Variants in RANBP9 observed in about 807,000 individuals in gnomAD.
RANBP9 encodes ran-binding protein 9.
In RANBP9, 15 loss-of-function variants were observed where a neutral mutation model predicts 84.3. The observed-to-expected ratio is 0.18, with a 90% CI of 0.12 to 0.27. The LOEUF is 0.27. Ranked by LOEUF, RANBP9 falls within the 10% of genes least tolerant of loss-of-function variation. RANBP9 has a pLI of 1.00. For missense variants in RANBP9, 809 were observed against 912.8 expected (o/e 0.89, Z 1.46); for synonymous variants, 392 against 349.6 (o/e 1.12, Z -1.35).
At chr6:13,660,533 CA>C (rs1236301095) in intron 2 of RANBP9, among the ~76,000 whole-genome samples, 6 of 151,534 alleles carry the variant, frequency 4.0e-5, no homozygotes, top group Non-Finnish European at 5.9e-5. Context: ...AGGGCAAAAA[CA>C]AAAAAAGGAG....
chr6:13,637,685 G>A (rs1764972939), intron 10 of RANBP9, 123 bp downstream of exon 10: 1 of 962,880 alleles, frequency 1.0e-6, no homozygotes, highest in South Asian at 2.2e-5. Context: ...ATTCTCTGGG[G>A]GCTTAAGAAC....
intron 12 of RANBP9, among the ~76,000 whole-genome samples, chr6:13,631,780 CA>C (rs1329208032): frequency 6.6e-6 from 1 of 152,308 alleles, no homozygotes; most frequent in African/African-American, 2.4e-5. Context: ...AACTGGTACA[CA>C]AAACTGTGGC....
rs1764465733 is a variant in RANBP9 at position 13,622,111 on chromosome 6, A to G, written c.*251T>C. The G allele has an allele frequency of 7.5e-6, 2 of 267,136 alleles. No individual in the cohort carries two copies. Among genetic ancestry groups the G allele is most frequent in the Non-Finnish European group, 1.4e-5 (2 of 147,906 alleles). 16.5% of individuals were successfully genotyped at this position (267,136 alleles called of 1,614,324 possible). A position where few individuals can be genotyped will look rare whatever the true frequency, so the allele number is the denominator to read the frequency against. ...TTGTTTTAAAGGATTTGTGATGATC[A>G]ATTTGAACGTCTGAAATTCAGTAAT... On this transcript the variant is annotated 3_prime_UTR_variant, in exon 14 of 14. Transcript: ENST00000011619.
At chr6:13,653,766 G>A (rs776124929) in intron 4 of RANBP9, among the ~76,000 whole-genome samples, 1 of 152,034 alleles carries the variant, frequency 6.6e-6, no homozygotes, top group African/African-American at 2.4e-5. Flanking sequence ...TTTGTAGTTA[G>A]TAAAGCCCTG....
intron 1 of RANBP9, among the ~76,000 whole-genome samples, chr6:13,709,487 G>A (rs1758217713): frequency 6.6e-6 from 1 of 152,192 alleles, no homozygotes; most frequent in African/African-American, 2.4e-5. Flanking sequence ...CAGATCAGAA[G>A]TAAACACCTC....
intron 2 of RANBP9, among the ~76,000 whole-genome samples, chr6:13,678,808 A>C (rs149659122): frequency 1.4e-3 from 214 of 152,088 alleles, no homozygotes; most frequent in African/African-American, 4.7e-3. Flanking sequence ...TCTTCCTTCT[A>C]AGCCTTATTC....
intron 8 of RANBP9, among the ~76,000 whole-genome samples, chr6:13,640,839 G>A (rs1160607747): frequency 6.6e-6 from 1 of 152,064 alleles, no homozygotes; most frequent in Non-Finnish European, 1.5e-5. Flanking sequence ...TGATGTGAAT[G>A]TAAAAAATGG....
chr6:13,659,589 C>T (rs1174490476), intron 2 of RANBP9, among the ~76,000 whole-genome samples: 10 of 152,106 alleles, frequency 6.6e-5, no homozygotes. Context: ...ACACAATACA[C>T]TTGTAAGTAT....
chr6:13,709,856 T>G (rs1758229342), intron 1 of RANBP9, among the ~76,000 whole-genome samples: 1 of 152,234 alleles, frequency 6.6e-6, no homozygotes, highest in Non-Finnish European at 1.5e-5. Context: ...CTCCTCTACA[T>G]ACATGTCACT....
intron 12 of RANBP9, among the ~76,000 whole-genome samples, chr6:13,631,264 G>C (rs1451006596): frequency 6.6e-6 from 1 of 152,076 alleles, no homozygotes; most frequent in African/African-American, 2.4e-5. Flanking sequence ...AAATACACCT[G>C]ACTTCCCATC....
chr6:13,657,270 T>A lies in RANBP9; in HGVS notation c.743A>T (p.Asp248Val). ...GVNMNRLPGWDKHSYGYHGDD... is the reference protein window; with the variant it reads ...GVNMNRLPGWVKHSYGYHGDD... Reference sequence around the variant, plus strand: ...CCCATGGTAACCATATGAATGCTTATCCCAACCTAAGGAGAAAGTTCCGGC... The same window carrying A: ...CCCATGGTAACCATATGAATGCTTAACCCAACCTAAGGAGAAAGTTCCGGC... Residue 248 changes from aspartate to valine, a missense_variant, in exon 4 of 14, where the codon GAT (aspartate) becomes GTT (valine). Physicochemically the swap from Asp to Val is radical, Grantham distance 152 (BLOSUM62 -3). Transcript: ENST00000011619. The A allele has an allele frequency of 2.5e-6, 4 of 1,610,752 alleles. No homozygotes were observed. The highest frequency in any genetic ancestry group is 2.5e-6 in the Non-Finnish European group (3 of 1,178,344).
At chr6:13,694,030 G>T (rs1278690332) in intron 2 of RANBP9, among the ~76,000 whole-genome samples, 1 of 152,072 alleles carries the variant, frequency 6.6e-6, no homozygotes, top group Non-Finnish European at 1.5e-5. Context: ...GTGACAGAGC[G>T]AGACTCTGGC....
At position 13,634,539 on chromosome 6, in the gene RANBP9, T is replaced by A. The variant is rs750101261; in HGVS notation, c.1687A>T (p.Met563Leu). The A allele has an allele frequency of 2.5e-6, 4 of 1,605,850 alleles. No individual in the cohort carries two copies. Among genetic ancestry groups the A allele is most frequent in the African/African-American group, 2.7e-5 (2 of 74,612 alleles). Reference sequence around the variant, plus strand: ...CCATTGGAGTAGTGATCTGTTTCCATGTCTACATCATTACTGAAAACGAAA... The same window carrying A: ...CCATTGGAGTAGTGATCTGTTTCCAAGTCTACATCATTACTGAAAACGAAA... ...VNNFTSNDVDMETDHYSNGVG... is the reference protein window; with the variant it reads ...VNNFTSNDVDLETDHYSNGVG... The change falls in exon 11 of 14, where the codon ATG (methionine) becomes TTG (leucine). Residue 563 changes from methionine (M) to leucine (L), a missense_variant. By Grantham distance (15) the Met-to-Leu change is conservative. Around this residue, in one of 5 missense-constraint regions of RANBP9, gnomAD observed 233 missense variants for 234.4 expected, o/e 0.99. Transcript: ENST00000011619.
At chr6:13,658,571 C>T (rs1225115627) in intron 3 of RANBP9, among the ~76,000 whole-genome samples, 8 of 152,174 alleles carry the variant, frequency 5.3e-5, no homozygotes. Flanking sequence ...AACTGCGCCA[C>T]TGCCCTCCAA....
At position 13,622,408 on chromosome 6, in the gene RANBP9, C is replaced by T. The variant is rs748662267; in HGVS notation, c.2144G>A (p.Gly715Glu). ...TQCLGLMARS[G>E]IGSCAFATVE... ...TGTGGCAAATGCGCAGGATCCAATT[C>T]CTGATCGAGCCATCAGTCCTAGACA... The change falls in exon 14 of 14, where the codon GGA becomes GAA. Residue 715 changes from glycine to glutamate, a missense_variant. Transcript: ENST00000011619. The T allele has an allele frequency of 3.1e-6, 5 of 1,600,416 alleles. No homozygotes were observed. Among genetic ancestry groups the T allele is most frequent in the Non-Finnish European group, 4.3e-6 (5 of 1,172,990 alleles).
In RANBP9 at chr6:13,637,865, A is replaced by T. The variant is rs1289489627; in HGVS notation, c.1616T>A (p.Val539Glu). 1 of 1,610,362 alleles carries T rather than the reference A, an allele frequency of 6.2e-7. No individual in the cohort carries two copies. The highest frequency in any genetic ancestry group is 1.7e-5 in the Admixed American group (1 of 59,852). Residue 539 changes from valine to glutamate, a missense_variant, in exon 10 of 14, where the codon GTA (valine) becomes GAA (glutamate). Transcript: ENST00000011619. ...CATATTTATACTGTTTAGTTCTGGT[A>T]CATTCAAGTTGGATGACTGGTGTTT... is the stretch of plus-strand genomic sequence containing the variant. Reference protein sequence around the residue: ...SNKHQSSNLNVPELNSINMSR... With the variant: ...SNKHQSSNLNEPELNSINMSR...
chr6:13,634,482 T>G lies in RANBP9; in HGVS notation c.1744A>C (p.Asn582His). The G allele has an allele frequency of 5.0e-6, 8 of 1,613,712 alleles. No homozygotes were observed. Among genetic ancestry groups the G allele is most frequent in the Non-Finnish European group, 6.8e-6 (8 of 1,179,718 alleles). ...VGETSSNGFL[N>H]GSSKHDHEME... is the part of the protein sequence containing the mutation. ...TCGTGGTCATGTTTAGAGCTACCAT[T>G]TAGGAAACCATTGGATGAAGTTTCT... is the stretch of plus-strand genomic sequence containing the variant. Residue 582 changes from asparagine (N) to histidine (H), a missense_variant, in exon 11 of 14, where the codon AAT becomes CAT. Around this residue, in one of 5 missense-constraint regions of RANBP9, gnomAD observed 233 missense variants for 234.4 expected, o/e 0.99. Transcript: ENST00000011619.
At chr6:13,634,837 C>T (rs958651284) in intron 10 of RANBP9, among the ~76,000 whole-genome samples, 11 of 152,178 alleles carry the variant, frequency 7.2e-5, no homozygotes, top group African/African-American at 2.7e-4. Flanking sequence ...TACTTCCACA[C>T]AATCCTATTA....
intron 2 of RANBP9, among the ~76,000 whole-genome samples, chr6:13,662,490 C>T (rs1399779309): frequency 6.6e-6 from 1 of 152,110 alleles, no homozygotes; most frequent in Non-Finnish European, 1.5e-5. Context: ...TATGTTGAAA[C>T]CCGGTCCCTA....
Sources: allele counts gnomAD v4.1 joint callset (sites outside exome capture counted in the v4.1 genomes callset), GRCh38; gene constraint gnomAD v4.1.1; regional missense constraint gnomAD v4.1.1; transcripts MANE v1.5; gene names NCBI Gene and HGNC (gene_info 2026-07-23, HGNC 2026-07-21).